LRP1B: variants seen among roughly 807,000 people sequenced by gnomAD.
LRP1B encodes the protein low-density lipoprotein receptor-related protein 1B.
Under a neutral mutation model 556.6 loss-of-function variants are expected in LRP1B, and 217 were observed. The observed-to-expected ratio is 0.39, with a 90% CI of 0.35 to 0.44. LRP1B has a LOEUF of 0.44. LRP1B is among the 20% of genes least tolerant of loss of function. The pLI is 1.00. For missense variants in LRP1B, 5,053 were observed against 5,620.8 expected, an observed-to-expected ratio of 0.90 and a Z score of 3.23; for synonymous variants, 2,047 against 1,865.8, an observed-to-expected ratio of 1.10 and a Z score of -2.50.
rs545714179 is a variant in LRP1B at position 141,409,081 on chromosome 2, T to C, written c.343+71315A>G. On this transcript the variant is annotated intron_variant, in intron 3 of 90. Transcript: ENST00000389484. Reference sequence around the variant, plus strand: ...CTTATGGCATTGAATGAGTTAGTAATTGCTCAAAGAAATAGTTACCTCAAC... The same window carrying C: ...CTTATGGCATTGAATGAGTTAGTAACTGCTCAAAGAAATAGTTACCTCAAC... 5.3e-5 allele frequency among the ~76,000 whole-genome samples: 8 copies of C among 152,288 alleles called. No homozygotes were observed. The South Asian group carries it at 1.7e-3, about 32-fold the overall frequency.
intron 87 of LRP1B, among the ~76,000 whole-genome samples, chr2:140,245,910 G>T (rs1681140069): frequency 6.6e-6 from 1 of 151,190 alleles, no homozygotes; most frequent in Non-Finnish European, 1.5e-5. Flanking sequence ...AACTCAAAAT[G>T]TTCCATAACC....
chr2:140,992,870 T>C (rs542816409), intron 16 of LRP1B, among the ~76,000 whole-genome samples: 38 of 152,076 alleles, frequency 2.5e-4, no homozygotes, highest in Non-Finnish European at 4.7e-4. Flanking sequence ...TTAATGGGTC[T>C]GAAAATAAGA....
chr2:140,885,967 C>G (rs1693626779), intron 24 of LRP1B, among the ~76,000 whole-genome samples, 171 bp downstream of exon 24: 1 of 151,768 alleles, frequency 6.6e-6, no homozygotes, highest in African/African-American at 2.4e-5. Context: ...CTTCCTGCCC[C>G]CAACAGGTGC....
intron 7 of LRP1B, among the ~76,000 whole-genome samples, chr2:141,144,626 G>T (rs567479955): frequency 2.6e-5 from 4 of 151,984 alleles, no homozygotes; most frequent in African/African-American, 9.7e-5. Context: ...CCCTTCATAC[G>T]CTAGAAGATC....
At chr2:140,268,310 A>G (rs1347492413) in intron 86 of LRP1B, among the ~76,000 whole-genome samples, 2 of 151,928 alleles carry the variant, frequency 1.3e-5, no homozygotes, top group Non-Finnish European at 2.9e-5. Context: ...GTGTGGTCAA[A>G]CCTTTTGATG....
intron 86 of LRP1B, among the ~76,000 whole-genome samples, chr2:140,247,446 A>G (rs1251114109): frequency 6.6e-6 from 1 of 151,586 alleles, no homozygotes; most frequent in Non-Finnish European, 1.5e-5. Context: ...TGAAATCTTG[A>G]TTAAGAATTG....
intron 2 of LRP1B, among the ~76,000 whole-genome samples, chr2:141,705,186 G>A (rs1692092565): frequency 1.3e-5 from 2 of 151,890 alleles, no homozygotes; most frequent in African/African-American, 4.8e-5. Flanking sequence ...TGGAACCACT[G>A]TATTTATACA....
At chr2:141,525,525 AATT>A (rs1262201212) in intron 2 of LRP1B, among the ~76,000 whole-genome samples, 2 of 152,062 alleles carry the variant, frequency 1.3e-5, no homozygotes, top group African/African-American at 4.8e-5. Context: ...CTTCCTATAA[AATT>A]ATTTTTGTAA....
At chr2:141,887,286 G>A (rs545278989) in intron 1 of LRP1B, among the ~76,000 whole-genome samples, 12 of 152,220 alleles carry the variant, frequency 7.9e-5, no homozygotes, top group East Asian at 7.7e-4. Context: ...ATGTGCCCCC[G>A]TGCCCAGCCC....
intron 7 of LRP1B, among the ~76,000 whole-genome samples, chr2:141,126,189 G>A (rs1332878577): frequency 1.3e-5 from 2 of 151,872 alleles, no homozygotes; most frequent in Non-Finnish European, 2.9e-5. Flanking sequence ...CTGTCACCAC[G>A]CCTGACTAAT....
intron 7 of LRP1B, among the ~76,000 whole-genome samples, chr2:141,176,352 G>T (rs1000953976): frequency 6.6e-6 from 1 of 152,020 alleles, no homozygotes; most frequent in Non-Finnish European, 1.5e-5. Context: ...TCTGGTGAGA[G>T]GTGACTGGAT....
intron 1 of LRP1B, among the ~76,000 whole-genome samples, chr2:142,051,130 G>A (rs557173673): frequency 2.0e-5 from 3 of 152,178 alleles, no homozygotes; most frequent in Non-Finnish European, 2.9e-5. Flanking sequence ...GGCCAGTAAA[G>A]TAGAGGAGTG....
chr2:141,536,857 G>A (rs1352632717), intron 2 of LRP1B, among the ~76,000 whole-genome samples: 1 of 151,974 alleles, frequency 6.6e-6, no homozygotes, highest in Admixed American at 6.6e-5. Flanking sequence ...CAATGAAAAT[G>A]CACAATTAAA....
At chr2:141,303,768 C>T (rs1463977408) in intron 3 of LRP1B, among the ~76,000 whole-genome samples, 5 of 152,030 alleles carry the variant, frequency 3.3e-5, no homozygotes, top group African/African-American at 4.8e-5. Flanking sequence ...ATTTCTTTTC[C>T]TTTGGATAAC....
chr2:140,439,901 T>C (rs970215096), intron 66 of LRP1B, among the ~76,000 whole-genome samples: 1 of 152,126 alleles, frequency 6.6e-6, no homozygotes, highest in Non-Finnish European at 1.5e-5. Flanking sequence ...TTTACAATGA[T>C]TATTTTAATT....
At chr2:140,727,955 G>A (rs1209131057) in intron 35 of LRP1B, among the ~76,000 whole-genome samples, 1 of 152,026 alleles carries the variant, frequency 6.6e-6, no homozygotes, top group Non-Finnish European at 1.5e-5. Flanking sequence ...ACAAACCACT[G>A]AGAATTCCAA....
chr2:141,668,518 T>C (rs968615945), intron 2 of LRP1B, among the ~76,000 whole-genome samples: 16 of 152,102 alleles, frequency 1.1e-4, no homozygotes, highest in African/African-American at 3.9e-4. Flanking sequence ...AGAGAAGGAA[T>C]GTCTGAACAT....
chr2:141,442,517 T>C (rs1333388969), intron 3 of LRP1B, among the ~76,000 whole-genome samples: 1 of 151,702 alleles, frequency 6.6e-6, no homozygotes, highest in Non-Finnish European at 1.5e-5. Flanking sequence ...GCCATGGTGG[T>C]TTGCTGCACC....
At chr2:141,492,311 A>G (rs1024439813) in intron 2 of LRP1B, among the ~76,000 whole-genome samples, 2 of 152,242 alleles carry the variant, frequency 1.3e-5, no homozygotes, top group Non-Finnish European at 2.9e-5. Flanking sequence ...TTTTTATTTT[A>G]TAGATCTCCC....
Sources: gnomAD v4.1 joint callset for allele counts (sites outside exome capture counted in the v4.1 genomes callset) on GRCh38, gnomAD v4.1.1 for gene constraint, MANE v1.5 for transcripts, NCBI Gene and HGNC (gene_info 2026-07-23, HGNC 2026-07-21) for gene names.